CNTNAP2: variants seen among roughly 807,000 people sequenced by gnomAD.
CNTNAP2 encodes the protein contactin associated protein 2, also known as contactin-associated protein-like 2.
CNTNAP2 carries 98 observed loss-of-function variants against 155.2 expected under a neutral mutation model. That is an observed-to-expected ratio of 0.63 (90% CI 0.54 to 0.75). CNTNAP2 has a LOEUF of 0.75. Ranked by LOEUF, CNTNAP2 falls within the 30% of genes least tolerant of loss-of-function variation. The pLI, the probability that CNTNAP2 is intolerant of heterozygous loss-of-function variation, is 0.00. For synonymous variants in CNTNAP2, 651 were observed against 631.2 expected (o/e 1.03, Z -0.47); for missense variants, 1,727 against 1,688.1 (o/e 1.02, Z -0.40).
At chr7:146,249,429 A>G (rs1484057962) in intron 1 of CNTNAP2, among the ~76,000 whole-genome samples, 4 of 149,838 alleles carry the variant, frequency 2.7e-5, no homozygotes, top group Non-Finnish European at 5.9e-5. Flanking sequence ...CTGTAATAGT[A>G]GTCTCAGAAC....
intron 9 of CNTNAP2, among the ~76,000 whole-genome samples, chr7:147,388,479 C>A (rs1215321410): frequency 2.0e-5 from 3 of 152,204 alleles, no homozygotes; most frequent in Non-Finnish European, 4.4e-5. Context: ...TATACAATTT[C>A]ATTCATACTT....
intron 1 of CNTNAP2, among the ~76,000 whole-genome samples, chr7:146,294,670 G>A (rs1800484388): frequency 6.6e-6 from 1 of 152,096 alleles, no homozygotes; most frequent in Non-Finnish European, 1.5e-5. Flanking sequence ...TACCACTATA[G>A]ACTTTTATTT....
chr7:146,410,319 G>A (rs935436617), intron 1 of CNTNAP2, among the ~76,000 whole-genome samples: 3 of 152,090 alleles, frequency 2.0e-5, no homozygotes, highest in African/African-American at 7.2e-5. Context: ...GGGAAAAACT[G>A]AGTAGTTATG....
chr7:147,502,805 T>C (rs897760533), intron 11 of CNTNAP2, among the ~76,000 whole-genome samples: 1 of 149,834 alleles, frequency 6.7e-6, no homozygotes, highest in African/African-American at 2.5e-5. Context: ...CAATTTTATT[T>C]GTCATGTGTA....
At chr7:146,529,002 T>C (rs1797730577) in intron 1 of CNTNAP2, among the ~76,000 whole-genome samples, 1 of 152,184 alleles carries the variant, frequency 6.6e-6, no homozygotes, top group Non-Finnish European at 1.5e-5. Flanking sequence ...TATCTTGATA[T>C]TGTGTATTTT....
At chr7:147,349,688 T>C (rs1327065448) in intron 9 of CNTNAP2, among the ~76,000 whole-genome samples, 2 of 151,988 alleles carry the variant, frequency 1.3e-5, no homozygotes, top group East Asian at 1.9e-4. Flanking sequence ...ATACTTCTTA[T>C]TGGAACTCAG....
At chr7:146,802,771 T>A (rs1279812749) in intron 2 of CNTNAP2, among the ~76,000 whole-genome samples, 6 of 152,174 alleles carry the variant, frequency 3.9e-5, no homozygotes, top group Non-Finnish European at 2.9e-5. Context: ...GTAGTTTGTT[T>A]ACAGGAGATT....
intron 1 of CNTNAP2, among the ~76,000 whole-genome samples, chr7:146,293,230 A>G (rs533450114): frequency 1.0e-3 from 154 of 152,332 alleles, no homozygotes; most frequent in African/African-American, 3.5e-3. Context: ...TTTAAAATTT[A>G]TAATACCATG....
At chr7:147,016,856 C>T (rs1294576538) in intron 3 of CNTNAP2, among the ~76,000 whole-genome samples, 1 of 151,858 alleles carries the variant, frequency 6.6e-6, no homozygotes, top group Admixed American at 6.6e-5. Flanking sequence ...GGTCTACTCC[C>T]TAGGTCACTG....
intron 9 of CNTNAP2, among the ~76,000 whole-genome samples, chr7:147,312,106 C>T (rs1193951437): frequency 1.3e-5 from 2 of 151,984 alleles, no homozygotes; most frequent in African/African-American, 4.8e-5. Context: ...GGTTTACTCA[C>T]GTAGTAATTA....
chr7:148,321,547 A>G, intron 21 of CNTNAP2, among the ~76,000 whole-genome samples: 1 of 152,202 alleles, frequency 6.6e-6, no homozygotes, highest in African/African-American at 2.4e-5. Flanking sequence ...GTTATTTCCC[A>G]TTTAAAGGAA....
intron 12 of CNTNAP2, among the ~76,000 whole-genome samples, chr7:147,609,474 T>C (rs1177591394): frequency 6.6e-6 from 1 of 152,068 alleles, no homozygotes; most frequent in Non-Finnish European, 1.5e-5. Flanking sequence ...GAACTTGCAG[T>C]GAGCCAAGAT....
chr7:146,213,351 G>A (rs1381656918), intron 1 of CNTNAP2, among the ~76,000 whole-genome samples: 1 of 152,130 alleles, frequency 6.6e-6, no homozygotes, highest in East Asian at 1.9e-4. Flanking sequence ...GTCTTCTGCA[G>A]CTGAGTTAAA....
chr7:147,991,452 G>A (rs1801708898), intron 15 of CNTNAP2, among the ~76,000 whole-genome samples: 1 of 152,142 alleles, frequency 6.6e-6, no homozygotes, highest in Admixed American at 6.5e-5. Flanking sequence ...ACTATCACTT[G>A]ATTTATATGC....
intron 1 of CNTNAP2, among the ~76,000 whole-genome samples, chr7:146,457,362 A>C (rs890978292): frequency 6.6e-6 from 1 of 151,280 alleles, no homozygotes; most frequent in African/African-American, 2.4e-5. Context: ...GCATGTGATG[A>C]ATAAAACTAA....
chr7:146,455,307 T>C (rs7784977), intron 1 of CNTNAP2, among the ~76,000 whole-genome samples: 88,796 of 152,114 alleles, frequency 0.58, 28,940 homozygotes, highest in South Asian at 0.82. Context: ...TCTTGATCTC[T>C]GAAAGTCATT....
At chr7:148,109,822 T>G (rs1563202349) in intron 15 of CNTNAP2, among the ~76,000 whole-genome samples, 1 of 152,234 alleles carries the variant, frequency 6.6e-6, no homozygotes, top group African/African-American at 2.4e-5. Context: ...GACTCACTTC[T>G]TTTAATTTAT....
At chr7:147,583,066 GA>G (rs1800538756) in intron 12 of CNTNAP2, among the ~76,000 whole-genome samples, 1 of 152,094 alleles carries the variant, frequency 6.6e-6, no homozygotes, top group Non-Finnish European at 1.5e-5. Context: ...TTATTGTTCA[GA>G]GACCTTGTTG....
chr7:147,154,125 T>G (rs78602125), intron 8 of CNTNAP2, among the ~76,000 whole-genome samples: 1,776 of 151,636 alleles, frequency 0.012, 30 homozygotes, highest in African/African-American at 0.04. Context: ...AAAAGAAGAA[T>G]AATTACCCAC....
Sources: allele counts gnomAD v4.1 joint callset (sites outside exome capture counted in the v4.1 genomes callset), GRCh38; gene constraint gnomAD v4.1.1; transcripts MANE v1.5; gene names NCBI Gene and HGNC (gene_info 2026-07-23, HGNC 2026-07-21).